CHL1: variants seen among roughly 807,000 people sequenced by gnomAD.
CHL1 encodes cell adhesion molecule L1 like, also known as neural cell adhesion molecule L1-like protein.
In CHL1, 96 loss-of-function variants were observed where a neutral mutation model predicts 141.9. That is an observed-to-expected ratio of 0.68 (90% confidence interval 0.57 to 0.80). The LOEUF (loss-of-function observed/expected upper bound fraction) is 0.80, where lower values mean the gene tolerates loss of function less well. Ranked by LOEUF, CHL1 falls within the 30% of genes least tolerant of loss-of-function variation. The probability of loss-of-function intolerance (pLI) is 0.00; values close to 1 mark genes in which losing one functional copy is unlikely to be tolerated. For missense variants in CHL1, 1,820 were observed against 1,457.2 expected (o/e 1.25, Z -4.05); for synonymous variants, 613 against 502.2 (o/e 1.22, Z -2.95).
chr3:389,569 C>A, intron 20 of CHL1, 95 bp downstream of exon 20: 1 of 915,956 alleles, frequency 1.1e-6, no homozygotes, highest in Non-Finnish European at 1.7e-6. Context: ...ACAACTACTG[C>A]ATGCAAAGAG....
intron 2 of CHL1, among the ~76,000 whole-genome samples, chr3:254,662 G>T (rs1490548481): frequency 2.0e-5 from 3 of 152,130 alleles, no homozygotes; most frequent in Non-Finnish European, 4.4e-5. Context: ...CAGTTCTGGA[G>T]GTTGGAAAGT....
chr3:295,429 G>C (rs934576433), intron 2 of CHL1, among the ~76,000 whole-genome samples: 1 of 152,056 alleles, frequency 6.6e-6, no homozygotes, highest in African/African-American at 2.4e-5. Flanking sequence ...ACATGGATAA[G>C]ACTTAAATAA....
intron 1 of CHL1, among the ~76,000 whole-genome samples, chr3:242,499 G>A (rs936928800): frequency 3.3e-5 from 5 of 151,858 alleles, no homozygotes; most frequent in Admixed American, 2.0e-4. Flanking sequence ...GGGAGGCTGA[G>A]GCAGGAGAAT....
At chr3:267,857 A>G (rs1695290095) in intron 2 of CHL1, among the ~76,000 whole-genome samples, 1 of 152,218 alleles carries the variant, frequency 6.6e-6, no homozygotes, top group Admixed American at 6.5e-5. Context: ...CAAATTAAGA[A>G]GCATTTTCTT....
intron 1 of CHL1, among the ~76,000 whole-genome samples, chr3:242,841 A>C (rs1692794240): frequency 2.0e-5 from 3 of 152,188 alleles, no homozygotes; most frequent in African/African-American, 4.8e-5. Flanking sequence ...GTTTGATCAT[A>C]GCTACAGTCT....
intron 2 of CHL1, among the ~76,000 whole-genome samples, chr3:314,335 A>C (rs1411707566): frequency 1.7e-4 from 7 of 42,296 alleles, no homozygotes; most frequent in South Asian, 6.7e-4. Context: ...ATGTGTATAT[A>C]TATATATATA....
At chr3:296,191 C>G (rs669437) in intron 2 of CHL1, among the ~76,000 whole-genome samples, 87,615 of 151,982 alleles carry the variant, frequency 0.58, 28,039 homozygotes, top group African/African-American at 0.86. Context: ...TAGATACTTG[C>G]CTTTCCTCTA....
In CHL1 at chr3:328,339, G is replaced by T. The variant is rs1386401073; in HGVS notation, c.370G>T (p.Glu124Ter). The change falls in exon 5 of 28, where the codon GAA (glutamate) becomes TAA (stop). Residue 124 changes from glutamate (E) to a stop codon, truncating the protein, a stop_gained. Transcript: ENST00000256509. LOFTEE classifies it high-confidence loss of function. ...KLGIAMSEEI[E>*]FIVPSVPKFP... ...GGGAATCGCTATGTCAGAAGAAATA[G>T]AATTTATAGTTCCAAGTAAGTACTA... 1.2e-6 allele frequency: 2 copies of T among 1,610,592 alleles called. No individual in the cohort carries two copies. The highest frequency in any genetic ancestry group is 8.5e-7 in the Non-Finnish European group (1 of 1,178,306).
chr3:231,981 A>G (rs1701906532), intron 1 of CHL1, among the ~76,000 whole-genome samples: 2 of 152,122 alleles, frequency 1.3e-5, no homozygotes, highest in Admixed American at 1.3e-4. Flanking sequence ...GGTTTCCAAC[A>G]TTTTGACTCT....
At chr3:197,244 G>A (rs1698408255) in intron 1 of CHL1, 181 bp downstream of exon 1, 1 of 152,640 alleles carries the variant, frequency 6.6e-6, no homozygotes, top group African/African-American at 2.4e-5. Context: ...CACCCGGGAG[G>A]AGACGCCCCC....
Position 405,506 on chromosome 3 carries a change from A to G in CHL1, c.3470A>G (p.Glu1157Gly), listed in dbSNP as rs751338666. The change falls in exon 28 of 28, where the codon GAA (glutamate) becomes GGA (glycine). Residue 1157 changes from glutamate (E) to glycine (G), a missense_variant. Coordinates refer to ENST00000256509, the MANE Select transcript of CHL1 (RefSeq NM_006614.4). The stretch of plus-strand genomic sequence containing the variant: ...TGTTTGTTTTCTAGTGACAGTGATG[A>G]AAAGCCTCTCAAAGGAAGCCTTCGG... Reference protein sequence around the residue: ...ETFGEYSDSDEKPLKGSLRSL... With the variant: ...ETFGEYSDSDGKPLKGSLRSL... 6 of 1,611,490 alleles carry G rather than the reference A, an allele frequency of 3.7e-6. No homozygotes were observed. In the Admixed American group the frequency reaches 8.3e-5, roughly 22 times the overall value.
intron 2 of CHL1, among the ~76,000 whole-genome samples, chr3:302,878 C>T (rs1698881177): frequency 6.6e-6 from 1 of 152,082 alleles, no homozygotes. Flanking sequence ...TGGTCTAGGT[C>T]TTACGTTTAA....
intron 9 of CHL1, among the ~76,000 whole-genome samples, chr3:348,044 G>A (rs1231018468): frequency 1.3e-5 from 2 of 152,052 alleles, no homozygotes; most frequent in Non-Finnish European, 2.9e-5. Flanking sequence ...TGACACACAC[G>A]ATTTCAAGGA....
chr3:344,597 A>G lies in CHL1; in HGVS notation c.736A>G (p.Ile246Val), dbSNP rs1344682994. The change falls in exon 9 of 28, where the codon ATC (isoleucine) becomes GTC (valine). Residue 246 changes from isoleucine to valine, a missense_variant. Coordinates refer to ENST00000256509, the MANE Select transcript of CHL1 (RefSeq NM_006614.4). ...STEIGSKANS[I>V]KQRKPKLLLP... ...TCTTTTCTATTTTGTAGCAAATTCCATCAAGCAAAGAAAACCCAAACTGCT... is the reference window on the plus strand; with the variant it reads ...TCTTTTCTATTTTGTAGCAAATTCCGTCAAGCAAAGAAAACCCAAACTGCT... 1.4e-5 allele frequency: 22 copies of G among 1,609,332 alleles called. No individual in the cohort carries two copies. Among genetic ancestry groups the G allele is most frequent in the Non-Finnish European group, 1.8e-5 (21 of 1,178,142 alleles).
chr3:281,315 A>G (rs1409085771), intron 2 of CHL1, among the ~76,000 whole-genome samples: 1 of 152,112 alleles, frequency 6.6e-6, no homozygotes, highest in Non-Finnish European at 1.5e-5. Flanking sequence ...GAATTTACAT[A>G]ACTCCAGGAG....
intron 1 of CHL1, among the ~76,000 whole-genome samples, chr3:240,056 C>CA (rs1241338988): frequency 6.6e-6 from 1 of 152,170 alleles, no homozygotes; most frequent in Non-Finnish European, 1.5e-5. Context: ...TATAAACATG[C>CA]ATGTGCAAGT....
chr3:305,949 T>G (rs1174112531), intron 2 of CHL1, among the ~76,000 whole-genome samples: 2 of 152,118 alleles, frequency 1.3e-5, no homozygotes, highest in Non-Finnish European at 2.9e-5. Context: ...TCAAAACACA[T>G]AAGACTATTA....
intron 2 of CHL1, 110 bp from the exon 3 acceptor site, chr3:319,573 G>A: frequency 2.0e-6 from 1 of 489,590 alleles, no homozygotes; most frequent in East Asian, 3.4e-5. Flanking sequence ...TTCATAAGGA[G>A]GAAACATACT....
At chr3:257,024 C>G (rs1465306999) in intron 2 of CHL1, among the ~76,000 whole-genome samples, 2 of 152,144 alleles carry the variant, frequency 1.3e-5, no homozygotes, top group East Asian at 1.9e-4. Flanking sequence ...CATGGTGTCT[C>G]ACATTCTCTA....
Sources: allele counts gnomAD v4.1 joint callset (sites outside exome capture counted in the v4.1 genomes callset), GRCh38; gene constraint gnomAD v4.1.1; transcripts MANE v1.5; gene names NCBI Gene and HGNC (gene_info 2026-07-23, HGNC 2026-07-21).